Variants in TMEM63C observed in about 807,000 individuals in gnomAD.
TMEM63C encodes the protein transmembrane protein 63C.
Under a neutral mutation model 99.2 loss-of-function variants are expected in TMEM63C, and 32 were observed. The ratio of observed to expected loss-of-function variants is 0.32; its 90% CI spans 0.24 to 0.43. The LOEUF is 0.43. Among genes scored for constraint, TMEM63C ranks in the 20% least tolerant of loss-of-function variants. TMEM63C has a pLI of 1.00. For synonymous variants in TMEM63C, 376 were observed against 397.9 expected (o/e 0.94, Z 0.66); for missense variants, 826 against 1,053.0 (o/e 0.78, Z 2.98).
intron 18 of TMEM63C, among the ~76,000 whole-genome samples, chr14:77,247,509 A>AT (rs1210838349): frequency 2.6e-5 from 4 of 151,906 alleles, no homozygotes; most frequent in Non-Finnish European, 4.4e-5. Context: ...CCAATATTGC[A>AT]TTTTTTATAT....
chr14:77,230,729 C>G (rs557588357), intron 6 of TMEM63C, among the ~76,000 whole-genome samples: 2 of 152,034 alleles, frequency 1.3e-5, no homozygotes, highest in Non-Finnish European at 2.9e-5. Context: ...TCTGCCCCCC[C>G]ACCACCCCAC....
intron 6 of TMEM63C, among the ~76,000 whole-genome samples, chr14:77,229,142 AC>A (rs1448869633): frequency 1.3e-5 from 2 of 152,104 alleles, no homozygotes; most frequent in African/African-American, 4.8e-5. Flanking sequence ...GGTGGCTCAC[AC>A]CTGTAATCCC....
rs561274521 is a variant in TMEM63C, at chr14:77,191,915, C to T, written c.-77+10021C>T. On this transcript the variant is annotated intron_variant, in intron 1 of 23. Coordinates refer to ENST00000298351, the MANE Select transcript of TMEM63C (RefSeq NM_020431.4). Reference sequence around the variant, plus strand: ...TTATTGAAAGGAGTACTGAAATCTCCAATTATTATTGTGGTGTGGTCTATT... The same window carrying T: ...TTATTGAAAGGAGTACTGAAATCTCTAATTATTATTGTGGTGTGGTCTATT... Among the ~76,000 whole-genome samples the T allele has an allele frequency of 2.0e-5, 3 of 152,240 alleles. No homozygotes were observed. The South Asian group carries it at 6.2e-4, about 32-fold the overall frequency.
intron 2 of TMEM63C, among the ~76,000 whole-genome samples, chr14:77,213,832 A>G (rs1425789670): frequency 6.6e-6 from 1 of 152,220 alleles, no homozygotes; most frequent in Non-Finnish European, 1.5e-5. Context: ...CAAGAAAACT[A>G]TGGGTGGCCT....
intron 1 of TMEM63C, among the ~76,000 whole-genome samples, chr14:77,201,411 C>T (rs1414117573): frequency 1.3e-5 from 2 of 152,236 alleles, no homozygotes; most frequent in Non-Finnish European, 2.9e-5. Context: ...AAAGAATCAG[C>T]TTGAGGCTGC....
intron 1 of TMEM63C, among the ~76,000 whole-genome samples, chr14:77,183,749 T>G (rs1313231919): frequency 6.6e-6 from 1 of 152,114 alleles, no homozygotes; most frequent in Non-Finnish European, 1.5e-5. Flanking sequence ...CACAGGAGCC[T>G]TGGGTTGCAT....
rs564660682 is a variant in TMEM63C at position 77,195,678 on chromosome 14, C to T, written c.-77+13784C>T. On this transcript the variant is annotated intron_variant, in intron 1 of 23. Transcript: ENST00000298351. The stretch of plus-strand genomic sequence containing the variant: ...TGTGCATCTAGGCTGAACACCCCCA[C>T]AGCAGCAAGGGAAGGTGGGGTGCTC... Among the ~76,000 whole-genome samples the T allele has an allele frequency of 2.6e-5, 4 of 152,324 alleles. No homozygotes were observed. In the East Asian group the frequency reaches 7.7e-4, roughly 29 times the overall value.
chr14:77,225,571 C>A, intron 6 of TMEM63C, 110 bp downstream of exon 6: 1 of 1,096,840 alleles, frequency 9.1e-7, no homozygotes, highest in East Asian at 2.6e-5. Flanking sequence ...GCCTGAGCTC[C>A]GTATCCTCCC....
chr14:77,242,276 G>C, intron 13 of TMEM63C, 71 bp from the exon 14 acceptor site: 1 of 1,561,348 alleles, frequency 6.4e-7, no homozygotes, highest in South Asian at 1.2e-5. Flanking sequence ...TGAGCTCCTG[G>C]CATGAGACCC....
chr14:77,249,070 A>G (rs1177176074), intron 20 of TMEM63C, among the ~76,000 whole-genome samples, 198 bp downstream of exon 20: 1 of 152,096 alleles, frequency 6.6e-6, no homozygotes, highest in Non-Finnish European at 1.5e-5. Context: ...GAATGAACGC[A>G]TGAGAGAATG....
intron 21 of TMEM63C, among the ~76,000 whole-genome samples, chr14:77,251,433 G>A (rs1453902058): frequency 2.0e-5 from 3 of 152,208 alleles, no homozygotes; most frequent in Non-Finnish European, 4.4e-5. Flanking sequence ...TGCAGGGAAA[G>A]GTGTAGGTCA....
chr14:77,221,942 T>C (rs1342719203), intron 5 of TMEM63C, among the ~76,000 whole-genome samples: 1 of 148,716 alleles, frequency 6.7e-6, no homozygotes, highest in Non-Finnish European at 1.5e-5. Context: ...TCCTCCTGTG[T>C]CTCCTTAGCA....
intron 1 of TMEM63C, among the ~76,000 whole-genome samples, chr14:77,182,924 A>T (rs944557369): frequency 6.6e-6 from 1 of 152,056 alleles, no homozygotes; most frequent in African/African-American, 2.4e-5. Context: ...CTCCAGGAAG[A>T]TGTGTTTTCC....
intron 9 of TMEM63C, among the ~76,000 whole-genome samples, chr14:77,238,306 T>C (rs1264064307): frequency 6.6e-6 from 1 of 152,216 alleles, no homozygotes; most frequent in African/African-American, 2.4e-5. Context: ...CAGAAATCAC[T>C]GTGGGGTCGC....
At chr14:77,214,564 C>G (rs776071647) in intron 2 of TMEM63C, among the ~76,000 whole-genome samples, 33 of 152,000 alleles carry the variant, frequency 2.2e-4, no homozygotes, top group Non-Finnish European at 4.3e-4. Flanking sequence ...TCCCTGCTTT[C>G]TAGAGCCCCC....
At chr14:77,230,550 C>G (rs1228813497) in intron 6 of TMEM63C, among the ~76,000 whole-genome samples, 1 of 152,178 alleles carries the variant, frequency 6.6e-6, no homozygotes, top group Non-Finnish European at 1.5e-5. Flanking sequence ...GGTGAGCGAG[C>G]ATTACACCTG....
intron 6 of TMEM63C, among the ~76,000 whole-genome samples, chr14:77,226,404 T>C (rs998150487): frequency 2.0e-5 from 3 of 152,176 alleles, no homozygotes; most frequent in Admixed American, 6.5e-5. Flanking sequence ...ATAAGTCAAG[T>C]AGCGTCCCCG....
At chr14:77,243,817 C>T (rs773384940) in intron 15 of TMEM63C, among the ~76,000 whole-genome samples, 5 of 152,140 alleles carry the variant, frequency 3.3e-5, no homozygotes, top group Non-Finnish European at 7.4e-5. Context: ...CACACACGCA[C>T]ACATGCACAG....
chr14:77,197,539 T>C (rs1360765670), intron 1 of TMEM63C, among the ~76,000 whole-genome samples: 1 of 152,208 alleles, frequency 6.6e-6, no homozygotes, highest in Non-Finnish European at 1.5e-5. Flanking sequence ...TACCCTAGGG[T>C]GAAGATTAAC....
Sources: allele counts gnomAD v4.1 joint callset (sites outside exome capture counted in the v4.1 genomes callset), GRCh38; gene constraint gnomAD v4.1.1; transcripts MANE v1.5; gene names NCBI Gene and HGNC (gene_info 2026-07-23, HGNC 2026-07-21).